Variants in TBC1D23 observed in about 807,000 individuals in gnomAD.
The protein encoded by TBC1D23 is HCV non-structural protein 4A-transactivated protein 1.
Under a neutral mutation model 91.4 loss-of-function variants are expected in TBC1D23, and 55 were observed. The observed-to-expected ratio is 0.60, with a 90% CI of 0.48 to 0.75. TBC1D23 has a LOEUF of 0.75. TBC1D23 is among the 30% of genes least tolerant of loss of function. TBC1D23 has a pLI of 0.00. For missense variants in TBC1D23, 725 were observed against 836.1 expected, an observed-to-expected ratio of 0.87 and a Z score of 1.64; for synonymous variants, 289 against 281.0, an observed-to-expected ratio of 1.03 and a Z score of -0.28.
intron 15 of TBC1D23, among the ~76,000 whole-genome samples, chr3:100,313,484 T>A (rs1384970079): frequency 1.3e-5 from 2 of 152,160 alleles, no homozygotes; most frequent in Non-Finnish European, 2.9e-5. Flanking sequence ...ATTTTATTCA[T>A]TTTTAGCCAG....
intron 5 of TBC1D23, 25 bp from the exon 6 acceptor site, chr3:100,295,060 GTC>G (rs751892337): frequency 1.3e-6 from 2 of 1,549,898 alleles, no homozygotes; most frequent in East Asian, 2.3e-5. Flanking sequence ...AGTGGTTTAT[GTC>G]TCTCATTTCA....
At position 100,312,572 on chromosome 3, in the gene TBC1D23, A is replaced by G. The variant is rs115804939; in HGVS notation, c.1598+695A>G. 5.6e-3 allele frequency among the ~76,000 whole-genome samples: 851 copies of G among 152,300 alleles called. 12 individuals are homozygous for G. The highest frequency in any genetic ancestry group is 0.019 in the African/African-American group (778 of 41,564). On this transcript the variant is annotated intron_variant, in intron 15 of 18. Coordinates refer to ENST00000394144, the MANE Select transcript of TBC1D23 (RefSeq NM_001199198.3). ...GGTTTAAAAATCTACTGGATCTTCAATTAGGGTAACAAAAGAACTTTACTA... is the reference window on the plus strand; with the variant it reads ...GGTTTAAAAATCTACTGGATCTTCAGTTAGGGTAACAAAAGAACTTTACTA...
intron 1 of TBC1D23, among the ~76,000 whole-genome samples, chr3:100,262,735 A>AAAAAAAAAAAAAAAAAAT (rs2067522996): frequency 6.6e-6 from 1 of 151,128 alleles, no homozygotes; most frequent in Non-Finnish European, 1.5e-5. Flanking sequence ...AAAAAAAAAA[A>AAAAAAAAAAAAAAAAAAT]AAAAAAAAAA....
chr3:100,322,615 T>C (rs1195622381), intron 18 of TBC1D23, among the ~76,000 whole-genome samples: 5 of 152,228 alleles, frequency 3.3e-5, no homozygotes, highest in African/African-American at 1.2e-4. Flanking sequence ...GTGAGAGGTA[T>C]ACACATTTTA....
intron 2 of TBC1D23, 24 bp from the exon 3 acceptor site, chr3:100,281,718 T>C (rs1393881247): frequency 6.8e-7 from 1 of 1,459,980 alleles, no homozygotes; most frequent in East Asian, 2.3e-5. Flanking sequence ...ATGAAGCTAG[T>C]CACTTTTTAA....
chr3:100,263,432 G>A (rs1465277364), intron 1 of TBC1D23, among the ~76,000 whole-genome samples: 1 of 152,200 alleles, frequency 6.6e-6, no homozygotes, highest in African/African-American at 2.4e-5. Context: ...CGATGGCTTG[G>A]CTTGGGCTCA....
rs574088799 is a variant in TBC1D23 at position 100,283,273 on chromosome 3, C to T, written c.272-334C>T. Among the ~76,000 whole-genome samples, 10 of 151,986 alleles carry T rather than the reference C, an allele frequency of 6.6e-5. 1 individual carries two copies. The South Asian group carries it at 2.1e-3, about 32-fold the overall frequency. On this transcript the variant is annotated intron_variant, in intron 3 of 18. Coordinates refer to ENST00000394144, the MANE Select transcript of TBC1D23 (RefSeq NM_001199198.3). ...CCTGTAATCCTGGCTACTCGGGAGG[C>T]TAAGGCAGAAGAATCACTTGAAATC...
chr3:100,261,749 G>A (rs965888447), intron 1 of TBC1D23, among the ~76,000 whole-genome samples: 3 of 152,160 alleles, frequency 2.0e-5, no homozygotes, highest in African/African-American at 4.8e-5. Flanking sequence ...GATTGTGGGG[G>A]AAGACCGCCA....
intron 16 of TBC1D23, among the ~76,000 whole-genome samples, chr3:100,318,186 T>C (rs1457358761): frequency 6.6e-6 from 1 of 152,164 alleles, no homozygotes; most frequent in African/African-American, 2.4e-5. Context: ...ATTATGTCTC[T>C]ATATTTTGCA....
intron 16 of TBC1D23, among the ~76,000 whole-genome samples, chr3:100,317,256 T>C (rs576567512): frequency 2.0e-5 from 3 of 152,242 alleles, no homozygotes; most frequent in African/African-American, 7.2e-5. Context: ...ATGTACAGAA[T>C]GAGAAAAAAA....
intron 11 of TBC1D23, 96 bp downstream of exon 11, chr3:100,302,333 ACTT>A (rs1705448156): frequency 1.9e-6 from 2 of 1,047,156 alleles, no homozygotes; most frequent in African/African-American, 3.3e-5. Context: ...ATTTATCTGT[ACTT>A]TTCTTGGTTT....
chr3:100,301,606 C>A (rs943461741), intron 10 of TBC1D23, among the ~76,000 whole-genome samples: 1 of 152,144 alleles, frequency 6.6e-6, no homozygotes, highest in African/African-American at 2.4e-5. Context: ...ATATTTCATC[C>A]TTGTGTCTCC....
rs544103232 is a variant in TBC1D23 at position 100,323,098 on chromosome 3, G to C, written c.2019-489G>C. ...TATTATGTACATAACCCTCTGTAAA[G>C]TTTGGATAACTATAGCTACTTTTTA... On this transcript the variant is annotated intron_variant, in intron 18 of 18. Transcript: ENST00000394144. 3.5e-4 allele frequency among the ~76,000 whole-genome samples: 54 copies of C among 152,228 alleles called. No individual in the cohort carries two copies. In the South Asian group the frequency reaches 0.011, roughly 31 times the overall value.
At chr3:100,267,625 A>G (rs1033641379) in intron 1 of TBC1D23, among the ~76,000 whole-genome samples, 9 of 152,206 alleles carry the variant, frequency 5.9e-5, no homozygotes, top group Admixed American at 4.6e-4. Flanking sequence ...TACTTGCATT[A>G]TACTTAACCG....
Position 100,283,772 on chromosome 3 carries a change from A to G in TBC1D23, c.437A>G (p.Tyr146Cys). The G allele has an allele frequency of 6.2e-7, 1 of 1,613,236 alleles. No homozygotes were observed. The highest frequency in any genetic ancestry group is 8.5e-7 in the Non-Finnish European group (1 of 1,179,174). The change falls in exon 4 of 19, where the codon TAC becomes TGC. Residue 146 changes from tyrosine (Y) to cysteine (C), a missense_variant. Coordinates refer to ENST00000394144, the MANE Select transcript of TBC1D23 (RefSeq NM_001199198.3). ...CTTCAACTGCCACGCAGCGATTTATACAACTGCTTTTATGCCATAATGAAT... is the reference window on the plus strand; with the variant it reads ...CTTCAACTGCCACGCAGCGATTTATGCAACTGCTTTTATGCCATAATGAAT... ...VHLQLPRSDL[Y>C]NCFYAIMNKY...
intron 5 of TBC1D23, among the ~76,000 whole-genome samples, chr3:100,294,713 TTTAG>T (rs2067822999): frequency 6.6e-6 from 1 of 152,220 alleles, no homozygotes; most frequent in African/African-American, 2.4e-5. Flanking sequence ...TTGTAATTAT[TTTAG>T]TTACTCTTAT....
At chr3:100,322,124 GTC>G (rs372323802) in intron 18 of TBC1D23, among the ~76,000 whole-genome samples, 24 of 151,998 alleles carry the variant, frequency 1.6e-4, no homozygotes, top group African/African-American at 5.1e-4. Context: ...TTGAGACGGA[GTC>G]TCTGTCACTC....
intron 13 of TBC1D23, among the ~76,000 whole-genome samples, chr3:100,307,564 C>T (rs1705536353): frequency 6.6e-6 from 1 of 152,196 alleles, no homozygotes; most frequent in Admixed American, 6.5e-5. Context: ...TAACTCACTA[C>T]CTGTGTTAGT....
At chr3:100,296,358 T>C in intron 8 of TBC1D23, 83 bp downstream of exon 8, 1 of 822,570 alleles carries the variant, frequency 1.2e-6, no homozygotes, top group South Asian at 2.0e-5. Context: ...TTAGTTAAAA[T>C]AGGTTGTCAA....
Sources: allele counts gnomAD v4.1 joint callset (sites outside exome capture counted in the v4.1 genomes callset), GRCh38; gene constraint gnomAD v4.1.1; transcripts MANE v1.5; gene names NCBI Gene and HGNC (gene_info 2026-07-23, HGNC 2026-07-21).